TYW1B: variants seen among roughly 807,000 people sequenced by gnomAD.
TYW1B encodes the protein S-adenosyl-L-methionine-dependent tRNA 4-demethylwyosine synthase TYW1B.
In TYW1B, 73 loss-of-function variants were observed where a neutral mutation model predicts 86.9. That is an observed-to-expected ratio of 0.84 (90% CI 0.70 to 1.02). The LOEUF is 1.02. TYW1B is among the 50% of genes least tolerant of loss of function. The probability of loss-of-function intolerance (pLI) is 0.00; values close to 1 mark genes in which losing one functional copy is unlikely to be tolerated. For synonymous variants in TYW1B, 248 were observed against 292.8 expected, an observed-to-expected ratio of 0.85 and a Z score of 1.56; for missense variants, 637 against 827.4, an observed-to-expected ratio of 0.77 and a Z score of 2.82.
At chr7:72,773,673 A>G (rs576273974) in intron 7 of TYW1B, among the ~76,000 whole-genome samples, 29 of 152,338 alleles carry the variant, frequency 1.9e-4, no homozygotes, top group African/African-American at 7.0e-4. Context: ...CACATTCACA[A>G]GAGAAACACT....
At chr7:72,698,590 G>A (rs1204752966) in intron 10 of TYW1B, among the ~76,000 whole-genome samples, 1 of 150,566 alleles carries the variant, frequency 6.6e-6, no homozygotes, top group Non-Finnish European at 1.5e-5. Flanking sequence ...AGGCTGCAGT[G>A]AGCCGAGATC....
chr7:72,681,374 C>T (rs1482160871), intron 11 of TYW1B, among the ~76,000 whole-genome samples: 1 of 152,006 alleles, frequency 6.6e-6, no homozygotes, highest in African/African-American at 2.4e-5. Flanking sequence ...AGAGCAAGGA[C>T]GATTAAATAA....
intron 7 of TYW1B, among the ~76,000 whole-genome samples, chr7:72,750,183 G>A (rs1787476012): frequency 6.6e-6 from 1 of 152,088 alleles, no homozygotes; most frequent in Admixed American, 6.6e-5. Flanking sequence ...TTACAGGCGT[G>A]AGCCACTGCA....
chr7:72,600,807 A>G (rs1311940487), intron 13 of TYW1B, among the ~76,000 whole-genome samples: 2 of 152,052 alleles, frequency 1.3e-5, no homozygotes, highest in African/African-American at 4.8e-5. Flanking sequence ...GGCTGCAGTG[A>G]GCCATGACTG....
intron 11 of TYW1B, among the ~76,000 whole-genome samples, chr7:72,666,256 AT>A (rs1233567893): frequency 4.6e-5 from 7 of 151,936 alleles, no homozygotes; most frequent in African/African-American, 1.5e-4. Context: ...TCTAAAAAAA[AT>A]AAATAAATAA....
intron 9 of TYW1B, among the ~76,000 whole-genome samples, chr7:72,720,192 T>C (rs367606688): frequency 1.3e-5 from 2 of 152,298 alleles, no homozygotes; most frequent in Admixed American, 1.3e-4. Context: ...GAGGGCTCAA[T>C]GATTTCTACA....
At chr7:72,740,042 G>A (rs1217346016) in intron 8 of TYW1B, among the ~76,000 whole-genome samples, 1 of 147,346 alleles carries the variant, frequency 6.8e-6, no homozygotes, top group Non-Finnish European at 1.5e-5. Flanking sequence ...GACCAGTCTG[G>A]CTAACACCGT....
intron 7 of TYW1B, among the ~76,000 whole-genome samples, chr7:72,752,255 C>T (rs1006172713): frequency 1.3e-5 from 2 of 152,072 alleles, no homozygotes; most frequent in African/African-American, 2.4e-5. Flanking sequence ...GGAGAAGGAT[C>T]GTGTCTCTCT....
At chr7:72,813,885 G>C (rs1554478862) in intron 3 of TYW1B, among the ~76,000 whole-genome samples, 1 of 151,684 alleles carries the variant, frequency 6.6e-6, no homozygotes, top group African/African-American at 2.4e-5. Flanking sequence ...TGTGGTGGTG[G>C]GCACCTGTAA....
Position 72,729,620 on chromosome 7 carries a change from G to A in TYW1B, c.1083-689C>T, listed in dbSNP as rs182105822. 9.9e-5 allele frequency among the ~76,000 whole-genome samples: 15 copies of A among 152,070 alleles called. 1 individual carries two copies. The highest frequency in any genetic ancestry group is 3.6e-4 in the African/African-American group (15 of 41,480). Reference sequence around the variant, plus strand: ...AGAACCTTGTAGTCCAAAAAAAACAGGCAGCACAGTACAGCAAGGAGACCA... The same window carrying A: ...AGAACCTTGTAGTCCAAAAAAAACAAGCAGCACAGTACAGCAAGGAGACCA... On this transcript the variant is annotated intron_variant, in intron 8 of 13. Coordinates refer to ENST00000620995, the MANE Select transcript of TYW1B (RefSeq NM_001145440.3).
intron 7 of TYW1B, among the ~76,000 whole-genome samples, chr7:72,748,268 C>CA (rs1169531590): frequency 2.5e-4 from 37 of 145,660 alleles, no homozygotes; most frequent in African/African-American, 3.0e-4. Flanking sequence ...GACTCCGCCT[C>CA]AAAAAAAAAA....
At chr7:72,803,488 G>A (rs1159446370) in intron 5 of TYW1B, among the ~76,000 whole-genome samples, 3 of 152,186 alleles carry the variant, frequency 2.0e-5, no homozygotes, top group African/African-American at 7.2e-5. Context: ...ATGTAGACAG[G>A]TTCAACATCA....
chr7:72,625,349 T>C (rs1554438590), intron 12 of TYW1B, among the ~76,000 whole-genome samples: 2 of 152,162 alleles, frequency 1.3e-5, no homozygotes, highest in African/African-American at 4.8e-5. Context: ...CCAGGTGCAG[T>C]GGCTCACGTC....
At chr7:72,743,380 T>C (rs1787338157) in intron 8 of TYW1B, among the ~76,000 whole-genome samples, 1 of 152,272 alleles carries the variant, frequency 6.6e-6, no homozygotes, top group South Asian at 2.1e-4. Context: ...TCCCCCTTCT[T>C]TCCTAGCATG....
At chr7:72,780,975 A>G (rs1788040607) in intron 6 of TYW1B, among the ~76,000 whole-genome samples, 1 of 151,862 alleles carries the variant, frequency 6.6e-6, no homozygotes, top group Non-Finnish European at 1.5e-5. Context: ...TAGCTGTTAC[A>G]TGGCCTAAAC....
At chr7:72,800,171 A>C (rs1354713739) in intron 6 of TYW1B, among the ~76,000 whole-genome samples, 1 of 151,950 alleles carries the variant, frequency 6.6e-6, no homozygotes, top group Non-Finnish European at 1.5e-5. Flanking sequence ...TTATTCTGAC[A>C]TATATACAAG....
At chr7:72,621,915 G>C (rs1554438041) in intron 12 of TYW1B, among the ~76,000 whole-genome samples, 1 of 152,262 alleles carries the variant, frequency 6.6e-6, no homozygotes, top group Non-Finnish European at 1.5e-5. Context: ...GTGGGAGAGA[G>C]TGAGGCTATG....
chr7:72,634,799 T>C (rs113776112), intron 11 of TYW1B, among the ~76,000 whole-genome samples: 33,751 of 152,118 alleles, frequency 0.22, 4,414 homozygotes, highest in African/African-American at 0.37. Flanking sequence ...GAAGTACTGG[T>C]TCAAATGTCT....
At chr7:72,729,504 G>A (rs868959689) in intron 8 of TYW1B, among the ~76,000 whole-genome samples, 2 of 151,998 alleles carry the variant, frequency 1.3e-5, no homozygotes, top group Non-Finnish European at 2.9e-5. Flanking sequence ...AGGTTCCACT[G>A]CCATCACTCC....
Sources: allele counts gnomAD v4.1 joint callset (sites outside exome capture counted in the v4.1 genomes callset), GRCh38; gene constraint gnomAD v4.1.1; transcripts MANE v1.5; gene names NCBI Gene and HGNC (gene_info 2026-07-23, HGNC 2026-07-21).